Variants in FHIT observed in about 807,000 individuals in gnomAD.
FHIT encodes bis(5'-adenosyl)-triphosphatase.
A neutral mutation model predicts 17.9 loss-of-function variants in FHIT; 19 were observed. The observed-to-expected ratio is 1.06, with a 90% CI of 0.74 to 1.56. The LOEUF (loss-of-function observed/expected upper bound fraction) is 1.56. Among genes scored for constraint, FHIT ranks in the 40% most tolerant of loss-of-function variants. The pLI is 0.00. For synonymous variants in FHIT, 81 were observed against 69.7 expected (o/e 1.16, Z -0.81); for missense variants, 248 against 189.2 (o/e 1.31, Z -1.82).
chr3:60,861,816 AG>A, intron 3 of FHIT, among the ~76,000 whole-genome samples: 1 of 152,086 alleles, frequency 6.6e-6, no homozygotes, highest in Admixed American at 6.6e-5. Context: ...TTTTTAAAAA[AG>A]CTAGTTTGTG....
At chr3:60,053,680 C>G (rs973588538) in intron 5 of FHIT, among the ~76,000 whole-genome samples, 102 of 152,020 alleles carry the variant, frequency 6.7e-4, no homozygotes, top group African/African-American at 2.4e-3. Context: ...ATCCCCCACC[C>G]CCGCTTTTTT....
At chr3:60,142,969 T>A (rs935734227) in intron 5 of FHIT, among the ~76,000 whole-genome samples, 12 of 152,190 alleles carry the variant, frequency 7.9e-5, no homozygotes, top group Non-Finnish European at 1.5e-4. Flanking sequence ...AGACAAAGGA[T>A]AAGAATCACT....
intron 3 of FHIT, among the ~76,000 whole-genome samples, chr3:60,988,519 T>A (rs2107574953): frequency 6.6e-6 from 1 of 152,214 alleles, no homozygotes; most frequent in South Asian, 2.1e-4. Context: ...ATATGGAGCA[T>A]ATCTGAGGAA....
chr3:61,090,782 G>GT (rs2035457287), intron 2 of FHIT, among the ~76,000 whole-genome samples: 1 of 152,122 alleles, frequency 6.6e-6, no homozygotes, highest in South Asian at 2.1e-4. Context: ...CAAAAATAAC[G>GT]TTTTTCCCCT....
At chr3:59,946,944 G>A (rs1706837895) in intron 7 of FHIT, among the ~76,000 whole-genome samples, 1 of 152,188 alleles carries the variant, frequency 6.6e-6, no homozygotes. Context: ...TTATATCTAT[G>A]TTCATCAAAG....
intron 4 of FHIT, among the ~76,000 whole-genome samples, chr3:60,761,615 T>C (rs1175373216): frequency 6.6e-6 from 1 of 150,392 alleles, no homozygotes; most frequent in Non-Finnish European, 1.5e-5. Context: ...TTTTCTTCCA[T>C]GTCTTTTTTT....
intron 4 of FHIT, among the ~76,000 whole-genome samples, chr3:60,539,689 G>A (rs1231416588): frequency 6.6e-6 from 1 of 151,972 alleles, no homozygotes; most frequent in Non-Finnish European, 1.5e-5. Context: ...ACTATCACAA[G>A]GACAAAAAAC....
chr3:60,654,616 A>G (rs1406644762), intron 4 of FHIT, among the ~76,000 whole-genome samples: 1 of 152,248 alleles, frequency 6.6e-6, no homozygotes, highest in Non-Finnish European at 1.5e-5. Flanking sequence ...TATATATTAC[A>G]GAAACTAAAA....
At chr3:60,887,274 CTTTTG>C (rs1384022521) in intron 3 of FHIT, among the ~76,000 whole-genome samples, 1 of 152,134 alleles carries the variant, frequency 6.6e-6, no homozygotes, top group South Asian at 2.1e-4. Context: ...TCTGTTAGGA[CTTTTG>C]TTTTGTTTTG....
chr3:60,315,529 T>C (rs560077866), intron 5 of FHIT, among the ~76,000 whole-genome samples: 3 of 152,338 alleles, frequency 2.0e-5, no homozygotes, highest in South Asian at 4.1e-4. Flanking sequence ...TTGAATTTCA[T>C]GTGTAGGAAA....
intron 8 of FHIT, among the ~76,000 whole-genome samples, chr3:59,831,837 A>G (rs999712602): frequency 2.0e-5 from 3 of 152,162 alleles, no homozygotes; most frequent in African/African-American, 7.2e-5. Flanking sequence ...GCCAAAAAGC[A>G]GGGTGATATA....
intron 5 of FHIT, among the ~76,000 whole-genome samples, chr3:60,425,127 T>C (rs999713684): frequency 6.6e-6 from 1 of 151,980 alleles, no homozygotes; most frequent in African/African-American, 2.4e-5. Context: ...AACACATCCC[T>C]ATCAGGAACC....
chr3:59,912,195 T>C (rs543187216), intron 8 of FHIT, among the ~76,000 whole-genome samples: 17 of 152,202 alleles, frequency 1.1e-4, no homozygotes, highest in Non-Finnish European at 2.1e-4. Context: ...CCCTCCACAT[T>C]TGAGGTATCT....
intron 8 of FHIT, among the ~76,000 whole-genome samples, chr3:59,792,019 TC>T (rs1699584938): frequency 1.7e-5 from 1 of 59,292 alleles, no homozygotes; most frequent in East Asian, 1.3e-3. Context: ...TTGGTTTTAA[TC>T]ATGGCTATGG....
chr3:60,756,308 C>CT (rs1310264565), intron 4 of FHIT, among the ~76,000 whole-genome samples: 1 of 151,890 alleles, frequency 6.6e-6, no homozygotes, highest in Non-Finnish European at 1.5e-5. Flanking sequence ...GTTTCAATGC[C>CT]TTTTTTTTCC....
At chr3:61,247,072 C>T (rs1348234590) in intron 1 of FHIT, among the ~76,000 whole-genome samples, 1 of 151,916 alleles carries the variant, frequency 6.6e-6, no homozygotes, top group Non-Finnish European at 1.5e-5. Context: ...CCTCACTCAC[C>T]CCATCAGTGC....
chr3:60,122,414 G>T (rs1288621390), intron 5 of FHIT, among the ~76,000 whole-genome samples: 2 of 152,050 alleles, frequency 1.3e-5, no homozygotes, highest in Admixed American at 6.6e-5. Context: ...AGAAAGACTG[G>T]GCAAGATTTG....
chr3:60,500,606 C>G (rs2034483671), intron 5 of FHIT, among the ~76,000 whole-genome samples: 1 of 144,642 alleles, frequency 6.9e-6, no homozygotes, highest in East Asian at 2.0e-4. Context: ...CCCATCTCTA[C>G]TAAAAATACA....
intron 3 of FHIT, among the ~76,000 whole-genome samples, chr3:60,992,532 G>A (rs1014531570): frequency 3.3e-5 from 5 of 152,150 alleles, no homozygotes; most frequent in South Asian, 2.1e-4. Context: ...GCTACTTCCC[G>A]TTTCTAAGTT....
Sources: allele counts gnomAD v4.1 joint callset (sites outside exome capture counted in the v4.1 genomes callset), GRCh38; gene constraint gnomAD v4.1.1; transcripts MANE v1.5; gene names NCBI Gene and HGNC (gene_info 2026-07-23, HGNC 2026-07-21).